The following DHRS7C variants were observed in gnomAD, a reference collection of about 807,000 sequenced individuals.
DHRS7C encodes dehydrogenase/reductase 7C, also known as dehydrogenase/reductase SDR family member 7C.
DHRS7C carries 28 observed loss-of-function variants against 29.6 expected under a neutral mutation model. The ratio of observed to expected loss-of-function variants is 0.95; its 90% CI spans 0.70 to 1.30. The LOEUF (loss-of-function observed/expected upper bound fraction) is 1.30. Among genes scored for constraint, DHRS7C ranks in the 50% most tolerant of loss-of-function variants. The probability of loss-of-function intolerance (pLI) is 0.00; values close to 1 mark genes in which losing one functional copy is unlikely to be tolerated. For synonymous variants in DHRS7C, 158 were observed against 160.2 expected, an observed-to-expected ratio of 0.99 and a Z score of 0.10; for missense variants, 403 against 393.3, an observed-to-expected ratio of 1.02 and a Z score of -0.21.
intron 2 of DHRS7C, among the ~76,000 whole-genome samples, chr17:9,780,400 G>A (rs1160849417): frequency 6.6e-6 from 1 of 151,556 alleles, no homozygotes; most frequent in Non-Finnish European, 1.5e-5. Context: ...CCCCTTTGTG[G>A]AAATTGCTTT....
At chr17:9,787,214 G>A (rs1464210336) in intron 1 of DHRS7C, among the ~76,000 whole-genome samples, 4 of 152,232 alleles carry the variant, frequency 2.6e-5, no homozygotes, top group Admixed American at 2.6e-4. Flanking sequence ...CCAAAGTGCT[G>A]GGATTACAGG....
At chr17:9,790,006 C>T (rs1202662883) in intron 1 of DHRS7C, among the ~76,000 whole-genome samples, 1 of 152,160 alleles carries the variant, frequency 6.6e-6, no homozygotes, top group Admixed American at 6.5e-5. Flanking sequence ...TTTATCTTAA[C>T]AAGATGCACC....
chr17:9,781,536 C>G lies in DHRS7C; in HGVS notation c.213G>C (p.Trp71Cys). The G allele has an allele frequency of 6.2e-7, 1 of 1,614,016 alleles. No homozygotes were observed. Among genetic ancestry groups the G allele is most frequent in the Non-Finnish European group, 8.5e-7 (1 of 1,179,894 alleles). The change falls in exon 2 of 6, where the codon TGG becomes TGC. Residue 71 changes from tryptophan (W) to cysteine (C), a missense_variant. By Grantham distance (215) the Trp-to-Cys change is radical. Coordinates refer to ENST00000571134, the MANE Select transcript of DHRS7C (RefSeq NM_001105571.3). ...CATCATATAGGTTCTCTAGCCTCTCCCAGTTCTTTCCACACAGCACCAGCC... is the reference window on the plus strand; with the variant it reads ...CATCATATAGGTTCTCTAGCCTCTCGCAGTTCTTTCCACACAGCACCAGCC... ...GARLVLCGKNWERLENLYDAL... is the reference protein window; with the variant it reads ...GARLVLCGKNCERLENLYDAL...
intron 3 of DHRS7C, 45 bp downstream of exon 3, chr17:9,779,780 A>T: frequency 6.4e-7 from 1 of 1,559,484 alleles, no homozygotes; most frequent in South Asian, 1.2e-5. Context: ...GCCTCTGTAG[A>T]ATCTGGTGGC....
At position 9,774,594 on chromosome 17, in the gene DHRS7C, T is replaced by C. The variant is rs1009305800; in HGVS notation, c.572-1672A>G. Among the ~76,000 whole-genome samples, 5 of 152,208 alleles carry C rather than the reference T, an allele frequency of 3.3e-5. No homozygotes were observed. The highest frequency in any genetic ancestry group is 9.6e-5 in the African/African-American group (4 of 41,544). On this transcript the variant is annotated intron_variant, in intron 4 of 5. Coordinates refer to ENST00000571134, the MANE Select transcript of DHRS7C (RefSeq NM_001105571.3). This position sits in a 1 kb window ranked among gnomAD's most constrained non-coding sequence, Gnocchi z 5.0. ...CCACTGTGCCCGGCCCCATGTGGCATGGTTAATGCAGGAAAGAGATGTGTG... is the reference window on the plus strand; with the variant it reads ...CCACTGTGCCCGGCCCCATGTGGCACGGTTAATGCAGGAAAGAGATGTGTG...
At chr17:9,780,207 G>C (rs1160243850) in intron 2 of DHRS7C, among the ~76,000 whole-genome samples, 172 bp from the exon 3 acceptor site, 3 of 151,074 alleles carry the variant, frequency 2.0e-5, no homozygotes, top group Admixed American at 2.0e-4. Context: ...GATATTGCCA[G>C]ATAATTCATA....
Position 9,791,312 on chromosome 17 carries a change from G to A in DHRS7C, c.-28C>T, listed in dbSNP as rs748926190. 4 of 1,610,888 alleles carry A rather than the reference G, an allele frequency of 2.5e-6. No individual in the cohort carries two copies. The East Asian group carries it at 6.7e-5, about 27-fold the overall frequency. ...TGTTCTGGGGGACAACGGAGTAAAA[G>A]GGGATTGGCTTTGCAAAGAGACGCT... is the stretch of plus-strand genomic sequence containing the variant. On this transcript the variant is annotated 5_prime_UTR_variant, in exon 1 of 6. Coordinates refer to ENST00000571134, the MANE Select transcript of DHRS7C (RefSeq NM_001105571.3).
chr17:9,789,318 C>T (rs969667710), intron 1 of DHRS7C, among the ~76,000 whole-genome samples: 5 of 152,186 alleles, frequency 3.3e-5, no homozygotes, highest in Admixed American at 6.5e-5. Flanking sequence ...TATTCTCCAA[C>T]CATGTTGGAA....
At chr17:9,778,361 TC>T (rs1377088528) in intron 3 of DHRS7C, among the ~76,000 whole-genome samples, 1 of 145,132 alleles carries the variant, frequency 6.9e-6, no homozygotes, top group African/African-American at 2.6e-5. Flanking sequence ...GCCACTGCAT[TC>T]CAACCTGGGC....
rs1450087230 is a variant in DHRS7C at position 9,771,612 on chromosome 17, T to A, written c.812A>T (p.Glu271Val). The change falls in exon 6 of 6, where the codon GAG becomes GTG. Residue 271 changes from glutamate to valine, a missense_variant. Glu to Val is a moderately radical substitution (Grantham distance 121, BLOSUM62 -2). Transcript: ENST00000571134. ...VMRTVRRKKQ[E>V]VFMANPIPKA... is the part of the protein sequence containing the mutation. ...GGGGATGGGGTTGGCCATAAACACC[T>A]CTTGCTTCTTCCTCCGCACGGTGCG... is the stretch of plus-strand genomic sequence containing the variant. 2 of 1,601,444 alleles carry A rather than the reference T, an allele frequency of 1.2e-6. No individual in the cohort carries two copies. The highest frequency in any genetic ancestry group is 2.3e-5 in the East Asian group (1 of 43,886).
Position 9,782,598 on chromosome 17 carries a change from G to T in DHRS7C, c.155-1004C>A, listed in dbSNP as rs184799981. 6.5e-3 allele frequency among the ~76,000 whole-genome samples: 997 copies of T among 152,336 alleles called. 12 individuals are homozygous for T. Among genetic ancestry groups the T allele is most frequent in the South Asian group, 0.038 (182 of 4,828 alleles). On this transcript the variant is annotated intron_variant, in intron 1 of 5. Transcript: ENST00000571134. ...ATAGGCTGTGTAACTCCTAGGTAGG[G>T]CAGCGTCCACTGGCAGAGGACAAGT...
intron 1 of DHRS7C, among the ~76,000 whole-genome samples, chr17:9,784,175 T>A (rs1431937709): frequency 3.3e-5 from 5 of 151,834 alleles, no homozygotes; most frequent in African/African-American, 9.7e-5. Flanking sequence ...TTTACCCTTT[T>A]AAAAAAAACC....
rs1370098201 is a variant in DHRS7C at position 9,775,882 on chromosome 17, T to C, written c.571+1311A>G. Among the ~76,000 whole-genome samples the C allele has an allele frequency of 6.6e-6, 1 of 152,194 alleles. No individual in the cohort carries two copies. The highest frequency in any genetic ancestry group is 1.5e-5 in the Non-Finnish European group (1 of 68,026). On this transcript the variant is annotated intron_variant, in intron 4 of 5. Coordinates refer to ENST00000571134, the MANE Select transcript of DHRS7C (RefSeq NM_001105571.3). This position sits in a 1 kb window ranked among gnomAD's most constrained non-coding sequence, Gnocchi z 4.2. ...GAGGGCATTAGGCTGCGTCCTACTC[T>C]AATCTGACTGGTGCTATTGTAAGAA... is the stretch of plus-strand genomic sequence containing the variant.
chr17:9,772,916 G>A lies in DHRS7C; in HGVS notation c.578C>T (p.Ala193Val), dbSNP rs2066339994. 1.2e-6 allele frequency: 2 copies of A among 1,613,426 alleles called. No homozygotes were observed. Among genetic ancestry groups the A allele is most frequent in the Admixed American group, 3.3e-5 (2 of 59,994 alleles). ...FGIPFRTTYAASKHAALGFFD... is the reference protein window; with the variant it reads ...FGIPFRTTYAVSKHAALGFFD... Reference sequence around the variant, plus strand: ...GAAGCCCAGGGCTGCGTGCTTGGAGGCAGCGTCTGCGAGACAAACCATCCG... The same window carrying A: ...GAAGCCCAGGGCTGCGTGCTTGGAGACAGCGTCTGCGAGACAAACCATCCG... Residue 193 changes from alanine (A) to valine (V), a missense_variant, in exon 5 of 6, where the codon GCC becomes GTC. Coordinates refer to ENST00000571134, the MANE Select transcript of DHRS7C (RefSeq NM_001105571.3).
In DHRS7C at chr17:9,771,452, T is replaced by G. The variant is rs769064828; in HGVS notation, c.*36A>C. On this transcript the variant is annotated 3_prime_UTR_variant, in exon 6 of 6. Coordinates refer to ENST00000571134, the MANE Select transcript of DHRS7C (RefSeq NM_001105571.3). ...GCGCCAGCACCTGCCAGAAAAACCT[T>G]TATTTCCAAGGGGTGGCCCATTTGG... 31 of 1,440,236 alleles carry G rather than the reference T, an allele frequency of 2.2e-5. No homozygotes were observed. The highest frequency in any genetic ancestry group is 5.2e-5 in the Admixed American group (2 of 38,108). The allele number at this position is 1,440,236 out of a possible 1,614,324, so 89.2% of individuals were successfully genotyped here.
rs1259946869 is a variant in DHRS7C at position 9,791,204 on chromosome 17, G to A, written c.81C>T (p.Ser27=). The A allele has an allele frequency of 2.5e-6, 4 of 1,613,696 alleles. No homozygotes were observed. Among genetic ancestry groups the A allele is most frequent in the Non-Finnish European group, 3.4e-6 (4 of 1,179,792 alleles). Residue 27 remains serine (S), a synonymous_variant, in exon 1 of 6, where the codon TCC becomes TCT. Coordinates refer to ENST00000571134, the MANE Select transcript of DHRS7C (RefSeq NM_001105571.3). ...SGLLFIYQEV[S]RLWSKSAVQN... The stretch of plus-strand genomic sequence containing the variant: ...GCACAGCTGACTTTGACCACAGCCT[G>A]GACACCTCTTGGTAAATGAAGAGGA...
At chr17:9,782,206 G>T (rs2066396894) in intron 1 of DHRS7C, among the ~76,000 whole-genome samples, 1 of 152,208 alleles carries the variant, frequency 6.6e-6, no homozygotes, top group African/African-American at 2.4e-5. Context: ...TGGAGAGTTT[G>T]CTTGCTGTAG....
At chr17:9,773,741 T>TTTTTTTTTTTTTTTTTC (rs57969612) in intron 4 of DHRS7C, among the ~76,000 whole-genome samples, 1 of 129,290 alleles carries the variant, frequency 7.7e-6, no homozygotes, top group Non-Finnish European at 1.6e-5. Context: ...TTTTTTTTTT[T>TTTTTTTTTTTTTTTTTC]TGAGACGGCG....
At chr17:9,780,899 C>G (rs2066389476) in intron 2 of DHRS7C, among the ~76,000 whole-genome samples, 1 of 152,210 alleles carries the variant, frequency 6.6e-6, no homozygotes, top group Non-Finnish European at 1.5e-5. Context: ...TTGGGGCATT[C>G]TGTGTTGTCC....
Sources: allele counts gnomAD v4.1 joint callset (sites outside exome capture counted in the v4.1 genomes callset), GRCh38; gene constraint gnomAD v4.1.1; non-coding constraint Gnocchi (gnomAD v3.1); transcripts MANE v1.5; gene names NCBI Gene and HGNC (gene_info 2026-07-23, HGNC 2026-07-21).